The following CACNA1C variants were observed in gnomAD, a reference collection of about 807,000 sequenced individuals.
CACNA1C encodes calcium voltage-gated channel subunit alpha1 C.
A neutral mutation model predicts 229.0 loss-of-function variants in CACNA1C; 30 were observed. The observed-to-expected ratio is 0.13, with a 90% CI of 0.10 to 0.18. The LOEUF (loss-of-function observed/expected upper bound fraction) is 0.18. Among genes scored for constraint, CACNA1C ranks in the 10% least tolerant of loss-of-function variants. The pLI is 1.00. For missense variants in CACNA1C, 1,658 were observed against 2,845.0 expected, an observed-to-expected ratio of 0.58 and a Z score of 9.49; for synonymous variants, 1,114 against 1,132.5, an observed-to-expected ratio of 0.98 and a Z score of 0.33.
At chr12:2,156,621 C>G (rs1032779765) in intron 3 of CACNA1C, among the ~76,000 whole-genome samples, 1 of 152,212 alleles carries the variant, frequency 6.6e-6, no homozygotes, top group African/African-American at 2.4e-5. Flanking sequence ...GAGGCCTTCT[C>G]CATTCCTTTA....
At chr12:2,532,448 C>T (rs2099843399) in intron 9 of CACNA1C, among the ~76,000 whole-genome samples, 1 of 152,242 alleles carries the variant, frequency 6.6e-6, no homozygotes, top group Admixed American at 6.5e-5. Flanking sequence ...GAGATAGTAA[C>T]AGGCCACTGT....
intron 1 of CACNA1C, among the ~76,000 whole-genome samples, chr12:1,995,162 T>G (rs763321763): frequency 1.1e-4 from 17 of 152,154 alleles, no homozygotes; most frequent in Non-Finnish European, 1.9e-4. Flanking sequence ...AAACTTATAT[T>G]TGGTCTGGAT....
intron 18 of CACNA1C, among the ~76,000 whole-genome samples, chr12:2,590,402 T>A (rs1174306977): frequency 6.6e-6 from 1 of 152,226 alleles, no homozygotes; most frequent in Non-Finnish European, 1.5e-5. Flanking sequence ...ATCCCTAATG[T>A]ATTCTACTGG....
chr12:2,405,961 T>C (rs1445460150), intron 3 of CACNA1C, among the ~76,000 whole-genome samples: 1 of 151,456 alleles, frequency 6.6e-6, no homozygotes, highest in East Asian at 2.0e-4. Flanking sequence ...TGACCAAGTC[T>C]ATTAGTTTTC....
At chr12:2,610,454 T>C in intron 27 of CACNA1C, 87 bp from the exon 28 acceptor site, 1 of 1,379,234 alleles carries the variant, frequency 7.3e-7, no homozygotes, top group East Asian at 2.3e-5. Flanking sequence ...GTGTGTGGTC[T>C]CATCACATCC....
At chr12:2,337,233 GC>G (rs2096724941) in intron 3 of CACNA1C, among the ~76,000 whole-genome samples, 2 of 152,198 alleles carry the variant, frequency 1.3e-5, no homozygotes, top group African/African-American at 2.4e-5. Context: ...TCCCTGAGAG[GC>G]CCTTCCCCTG....
intron 3 of CACNA1C, among the ~76,000 whole-genome samples, chr12:2,212,596 A>C (rs574717933): frequency 1.3e-5 from 2 of 152,328 alleles, no homozygotes; most frequent in African/African-American, 4.8e-5. Flanking sequence ...TTATAATTTT[A>C]GAAAGGTATG....
At chr12:2,010,446 G>A (rs1262495571) in intron 1 of CACNA1C, among the ~76,000 whole-genome samples, 6 of 152,180 alleles carry the variant, frequency 3.9e-5, no homozygotes, top group Non-Finnish European at 8.8e-5. Context: ...CTTTGAAAAA[G>A]TCAGAAATTC....
At chr12:2,040,043 T>A (rs779668558) in intron 1 of CACNA1C, among the ~76,000 whole-genome samples, 4 of 152,156 alleles carry the variant, frequency 2.6e-5, no homozygotes, top group Non-Finnish European at 5.9e-5. Flanking sequence ...TCATCACCTC[T>A]TCATTCAACT....
At position 2,238,299 on chromosome 12, in the gene CACNA1C, C is replaced by T. The variant is rs575053406; in HGVS notation, c.477+117869C>T. The stretch of plus-strand genomic sequence containing the variant: ...TGGCATGACCTTCCCACGGAAATAA[C>T]GGTGCTGGACCATATATAGACAAAG... On this transcript the variant is annotated intron_variant, in intron 3 of 46. Transcript: ENST00000399655. Among the ~76,000 whole-genome samples, 9 of 152,322 alleles carry T rather than the reference C, an allele frequency of 5.9e-5. No homozygotes were observed. The South Asian group carries it at 1.7e-3, about 28-fold the overall frequency.
intron 3 of CACNA1C, among the ~76,000 whole-genome samples, chr12:2,444,186 C>T (rs1446085276): frequency 3.3e-5 from 5 of 152,154 alleles, no homozygotes; most frequent in African/African-American, 9.7e-5. Flanking sequence ...TCCAGTACCC[C>T]GGCAGGTGAG....
chr12:2,612,137 C>T (rs1156542571), intron 29 of CACNA1C, 124 bp downstream of exon 29: 1 of 658,872 alleles, frequency 1.5e-6, no homozygotes, highest in African/African-American at 1.8e-5. Context: ...AAGGACCATC[C>T]CTGCTCCGAT....
intron 1 of CACNA1C, among the ~76,000 whole-genome samples, chr12:2,027,256 C>T (rs941276426): frequency 2.6e-5 from 4 of 152,106 alleles, no homozygotes; most frequent in African/African-American, 7.2e-5. Flanking sequence ...TTCCTTTTTG[C>T]CTGGTGTTGC....
rs1349970568 is a variant in CACNA1C at position 2,128,601 on chromosome 12, C to T, written c.477+8171C>T. On this transcript the variant is annotated intron_variant, in intron 3 of 46. Transcript: ENST00000399655. ...AATTTTTTTGTATTTTTAGTAGAGACGGGGTTTCACCGTGTTAGTCAGGAT... is the reference window on the plus strand; with the variant it reads ...AATTTTTTTGTATTTTTAGTAGAGATGGGGTTTCACCGTGTTAGTCAGGAT... Among the ~76,000 whole-genome samples, 4 of 152,156 alleles carry T rather than the reference C, an allele frequency of 2.6e-5. No homozygotes were observed. In the East Asian group the frequency reaches 7.8e-4, roughly 30 times the overall value.
chr12:2,154,471 TAACA>T (rs1031124576), intron 3 of CACNA1C, among the ~76,000 whole-genome samples: 2 of 152,170 alleles, frequency 1.3e-5, no homozygotes, highest in East Asian at 1.9e-4. Flanking sequence ...GGCGCCCACT[TAACA>T]AACAGGAGCA....
intron 3 of CACNA1C, among the ~76,000 whole-genome samples, chr12:2,171,718 A>G (rs2096489829): frequency 6.6e-6 from 1 of 152,218 alleles, no homozygotes; most frequent in Non-Finnish European, 1.5e-5. Flanking sequence ...GGAAAAATGA[A>G]GCAAACAGCT....
intron 3 of CACNA1C, among the ~76,000 whole-genome samples, chr12:2,394,628 C>G (rs1246981264): frequency 6.6e-6 from 1 of 152,108 alleles, no homozygotes; most frequent in East Asian, 1.9e-4. Flanking sequence ...CTGGGCCCAT[C>G]CAAAGGGGTC....
intron 3 of CACNA1C, among the ~76,000 whole-genome samples, chr12:2,437,500 A>G (rs1246098144): frequency 1.3e-5 from 2 of 152,256 alleles, no homozygotes; most frequent in African/African-American, 2.4e-5. Context: ...GTGGAAGATT[A>G]TCTAAGCCCT....
intron 42 of CACNA1C, chr12:2,681,844 A>G (rs1231422640): frequency 5.5e-6 from 4 of 731,750 alleles, no homozygotes; most frequent in Non-Finnish European, 9.9e-6. Flanking sequence ...CCCAGCATGC[A>G]AGGTCTATAG....
Sources: gnomAD v4.1 joint callset for allele counts (sites outside exome capture counted in the v4.1 genomes callset) on GRCh38, gnomAD v4.1.1 for gene constraint, MANE v1.5 for transcripts, NCBI Gene and HGNC (gene_info 2026-07-23, HGNC 2026-07-21) for gene names.